The following SENP5 variants were observed in gnomAD, a reference collection of about 807,000 sequenced individuals.
The protein encoded by SENP5 is sentrin-specific protease 5.
In SENP5, 21 loss-of-function variants were observed where a neutral mutation model predicts 74.2. The observed-to-expected ratio is 0.28, with a 90% confidence interval of 0.20 to 0.41. SENP5 has a LOEUF of 0.41. Among genes scored for constraint, SENP5 ranks in the 10% least tolerant of loss-of-function variants. The probability of loss-of-function intolerance (pLI) is 1.00; values close to 1 mark genes in which losing one functional copy is unlikely to be tolerated. For synonymous variants in SENP5, 311 were observed against 312.7 expected (o/e 0.99, Z 0.06); for missense variants, 717 against 889.1 (o/e 0.81, Z 2.46).
chr3:196,922,087 G>A (rs1195189744), intron 6 of SENP5, among the ~76,000 whole-genome samples: 1 of 152,136 alleles, frequency 6.6e-6, no homozygotes, highest in Non-Finnish European at 1.5e-5. Context: ...TATCAAAGAT[G>A]TTTTTCTCAA....
intron 7 of SENP5, among the ~76,000 whole-genome samples, chr3:196,926,669 C>T (rs1715826110): frequency 7.4e-6 from 1 of 135,770 alleles, no homozygotes; most frequent in South Asian, 2.4e-4. Flanking sequence ...GTCAGAGTCT[C>T]ACTCTGTCCC....
At chr3:196,905,928 A>G (rs1714884223) in intron 6 of SENP5, among the ~76,000 whole-genome samples, 1 of 152,116 alleles carries the variant, frequency 6.6e-6, no homozygotes, top group African/African-American at 2.4e-5. Flanking sequence ...TCAACATACA[A>G]AAAGACATCA....
chr3:196,921,314 C>T (rs1455596026), intron 6 of SENP5, among the ~76,000 whole-genome samples: 4 of 152,168 alleles, frequency 2.6e-5, no homozygotes, highest in African/African-American at 4.8e-5. Flanking sequence ...ACCTCAGCCA[C>T]CCCTGTGGAC....
chr3:196,924,494 T>A (rs1447429585), intron 7 of SENP5, among the ~76,000 whole-genome samples: 1 of 152,216 alleles, frequency 6.6e-6, no homozygotes, highest in Non-Finnish European at 1.5e-5. Context: ...TGTTCAGCCT[T>A]ACCAGAAATT....
intron 1 of SENP5, among the ~76,000 whole-genome samples, chr3:196,879,088 G>C (rs1713607329): frequency 6.6e-6 from 1 of 152,170 alleles, no homozygotes; most frequent in African/African-American, 2.4e-5. Context: ...TTCCAGGTGA[G>C]ATAATTCTTC....
At chr3:196,886,789 A>G (rs1160307854) in intron 2 of SENP5, 95 bp downstream of exon 2, 32 of 1,017,956 alleles carry the variant, frequency 3.1e-5, no homozygotes, top group East Asian at 1.3e-4. Context: ...TCTCCCACTC[A>G]TGAATATTTC....
chr3:196,924,787 C>T (rs534508813), intron 7 of SENP5, among the ~76,000 whole-genome samples: 3 of 152,104 alleles, frequency 2.0e-5, no homozygotes, highest in Non-Finnish European at 2.9e-5. Context: ...GAGGCATGTG[C>T]GAGGATGTTC....
chr3:196,881,292 G>A (rs1713716990), intron 1 of SENP5, among the ~76,000 whole-genome samples: 1 of 152,112 alleles, frequency 6.6e-6, no homozygotes, highest in South Asian at 2.1e-4. Context: ...GCAATGAATA[G>A]CCTTGTACAT....
chr3:196,924,113 C>T (rs1339303365), intron 7 of SENP5, among the ~76,000 whole-genome samples: 1 of 152,046 alleles, frequency 6.6e-6, no homozygotes, highest in African/African-American at 2.4e-5. Context: ...ATGAAAACTC[C>T]TAAAGCTTTA....
intron 6 of SENP5, among the ~76,000 whole-genome samples, chr3:196,909,124 C>T (rs1715020772): frequency 6.6e-6 from 1 of 152,144 alleles, no homozygotes; most frequent in African/African-American, 2.4e-5. Context: ...TCAGAGAATA[C>T]TATAAAGACC....
chr3:196,889,841 G>T (rs1013717715), intron 2 of SENP5, among the ~76,000 whole-genome samples: 1 of 152,192 alleles, frequency 6.6e-6, no homozygotes, highest in Admixed American at 6.5e-5. Context: ...GATACTGAGT[G>T]CTCATATTTC....
At chr3:196,910,181 TAC>T (rs1715063125) in intron 6 of SENP5, among the ~76,000 whole-genome samples, 2 of 151,774 alleles carry the variant, frequency 1.3e-5, no homozygotes, top group Non-Finnish European at 2.9e-5. Flanking sequence ...TACCTAGGAA[TAC>T]AGTTTATAAG....
In SENP5 at chr3:196,885,508, G is replaced by A; in HGVS notation, c.327G>A (p.Lys109=). 1 of 1,614,074 alleles carries A rather than the reference G, an allele frequency of 6.2e-7. No individual in the cohort carries two copies. The highest frequency in any genetic ancestry group is 8.5e-7 in the Non-Finnish European group (1 of 1,180,024). Residue 109 remains lysine, a synonymous_variant, in exon 2 of 10, where the codon AAG becomes AAA. Coordinates refer to ENST00000323460, the MANE Select transcript of SENP5 (RefSeq NM_152699.5). ...CTAAACACTTCATTTCCTCCTCAAAGACTCTCCTGAGACTCCAAGCAGAGA... is the reference window on the plus strand; with the variant it reads ...CTAAACACTTCATTTCCTCCTCAAAAACTCTCCTGAGACTCCAAGCAGAGA... ...KDAKHFISSS[K]TLLRLQAEKL... is the part of the protein sequence containing the mutation.
rs757248691 is a variant in SENP5, at chr3:196,886,686, G to T, written c.1505G>T (p.Cys502Phe). ...SPVDDEQLSV[C>F]LSGFLDEVMK... The stretch of plus-strand genomic sequence containing the variant: ...GTGGATGATGAACAGCTGTCAGTCT[G>T]TCTTTCTGGTATGCACTTTTCCTTT... Residue 502 changes from cysteine to phenylalanine, a missense_variant, in exon 2 of 10, where the codon TGT becomes TTT. Transcript: ENST00000323460. 3 of 1,549,794 alleles carry T rather than the reference G, an allele frequency of 1.9e-6. No homozygotes were observed. The highest frequency in any genetic ancestry group is 1.2e-5 in the South Asian group (1 of 80,068).
chr3:196,915,284 G>C (rs1715324704), intron 6 of SENP5, among the ~76,000 whole-genome samples: 1 of 152,214 alleles, frequency 6.6e-6, no homozygotes, highest in Non-Finnish European at 1.5e-5. Context: ...CCCACAACTT[G>C]AAGCAGTGGA....
At chr3:196,925,491 G>A (rs913300866) in intron 7 of SENP5, among the ~76,000 whole-genome samples, 30 of 152,198 alleles carry the variant, frequency 2.0e-4, no homozygotes, top group Admixed American at 4.6e-4. Context: ...AACCAAAAGT[G>A]CAGCCATATC....
chr3:196,886,145 C>A lies in SENP5; in HGVS notation c.964C>A (p.His322Asn), dbSNP rs1189686715. ...SSAVVKGTNS[H>N]VPDCHTKGSS... Reference sequence around the variant, plus strand: ...TGCTGTGGTGAAGGGGACGAACTCTCATGTGCCTGATTGCCACACTAAAGG... The same window carrying A: ...TGCTGTGGTGAAGGGGACGAACTCTAATGTGCCTGATTGCCACACTAAAGG... Residue 322 changes from histidine (H) to asparagine (N), a missense_variant, in exon 2 of 10, where the codon CAT becomes AAT. Physicochemically the swap from His to Asn is moderately conservative, Grantham distance 68. Coordinates refer to ENST00000323460, the MANE Select transcript of SENP5 (RefSeq NM_152699.5). The A allele has an allele frequency of 1.9e-6, 3 of 1,614,096 alleles. No homozygotes were observed. The highest frequency in any genetic ancestry group is 1.3e-5 in the African/African-American group (1 of 74,942).
At chr3:196,873,619 TTG>T (rs1713317375) in intron 1 of SENP5, among the ~76,000 whole-genome samples, 1 of 151,558 alleles carries the variant, frequency 6.6e-6, no homozygotes, top group Non-Finnish European at 1.5e-5. Flanking sequence ...GGCGGGTGGA[TTG>T]CGAGGTCAGG....
chr3:196,923,955 CA>C (rs1216114239), intron 7 of SENP5, among the ~76,000 whole-genome samples: 2 of 152,036 alleles, frequency 1.3e-5, no homozygotes, highest in African/African-American at 4.8e-5. Context: ...GATACAAAAT[CA>C]AGAAAAATGA....
Sources: allele counts gnomAD v4.1 joint callset (sites outside exome capture counted in the v4.1 genomes callset), GRCh38; gene constraint gnomAD v4.1.1; transcripts MANE v1.5; gene names NCBI Gene and HGNC (gene_info 2026-07-23, HGNC 2026-07-21).